Variants in TTC23L observed in about 807,000 individuals in gnomAD.
The protein encoded by TTC23L is tetratricopeptide repeat domain 23 like, also known as tetratricopeptide repeat protein 23-like.
TTC23L carries 42 observed loss-of-function variants against 48.1 expected under a neutral mutation model. That is an observed-to-expected ratio of 0.87 (90% CI 0.68 to 1.13). The LOEUF is 1.13. Ranked by LOEUF, TTC23L falls within the 50% of genes most tolerant of loss-of-function variation. The pLI, the probability that TTC23L is intolerant of heterozygous loss-of-function variation, is 0.00. For missense variants in TTC23L, 391 were observed against 421.0 expected, an observed-to-expected ratio of 0.93 and a Z score of 0.62; for synonymous variants, 159 against 157.2, an observed-to-expected ratio of 1.01 and a Z score of -0.09.
chr5:34,841,046 AAAAAT>A (rs560073504), intron 2 of TTC23L, among the ~76,000 whole-genome samples: 160 of 152,268 alleles, frequency 1.1e-3, no homozygotes, highest in African/African-American at 3.3e-3. Context: ...TGTCTCAAAA[AAAAAT>A]AAAATAAAAT....
At chr5:34,922,288 G>A in the TTC23L span, 1 of 1,525,728 alleles carries the variant, frequency 6.6e-7, no homozygotes, top group Non-Finnish European at 9.0e-7. Flanking sequence ...TCTATATGTG[G>A]TAAGAGAATG....
At chr5:34,867,191 C>T (rs1038402824) in intron 7 of TTC23L, 122 bp downstream of exon 7, 1 of 1,069,538 alleles carries the variant, frequency 9.3e-7, no homozygotes, top group Non-Finnish European at 1.4e-6. Context: ...TGTTTTAACC[C>T]TGACTTTCCT....
downstream of TTC23L, among the ~76,000 whole-genome samples, chr5:34,900,332 GTTA>G (rs749979244): frequency 7.2e-4 from 110 of 152,064 alleles, 1 homozygote; most frequent in Middle Eastern, 3.4e-3. Flanking sequence ...AAAGGCAAAG[GTTA>G]TTAAGAAAAT....
chr5:34,905,167 G>A, the TTC23L span: 1 of 152,180 alleles, frequency 6.6e-6, no homozygotes, highest in Non-Finnish European at 1.5e-5. Context: ...CTTGTAACCT[G>A]ATTCTAGTAT....
intron 10 of TTC23L, among the ~76,000 whole-genome samples, chr5:34,898,251 G>A (rs539071548): frequency 2.0e-5 from 3 of 152,286 alleles, no homozygotes; most frequent in African/African-American, 4.8e-5. Context: ...AACGGAGATA[G>A]GGGCTGAATA....
In TTC23L at chr5:34,860,098, C is replaced by T. The variant is rs538369780; in HGVS notation, c.380-2800C>T. Among the ~76,000 whole-genome samples, 320 of 152,150 alleles carry T rather than the reference C, an allele frequency of 2.1e-3. 4 individuals are homozygous for T. The highest frequency in any genetic ancestry group is 7.2e-3 in the African/African-American group (300 of 41,532). On this transcript the variant is annotated intron_variant, in intron 4 of 10. Transcript: ENST00000505624. ...TCCTGACCTCGTGATCCGCCCGCCT[C>T]GGCCTCCCAAAGTGCTGGGATTACA...
downstream of TTC23L, among the ~76,000 whole-genome samples, chr5:34,903,440 G>A (rs1051192323): frequency 3.9e-5 from 6 of 151,900 alleles, no homozygotes; most frequent in Admixed American, 1.3e-4. Context: ...CCACCAGAGC[G>A]GTACATTTGT....
chr5:34,889,779 T>C (rs1762741029), intron 9 of TTC23L, among the ~76,000 whole-genome samples: 1 of 152,188 alleles, frequency 6.6e-6, no homozygotes, highest in African/African-American at 2.4e-5. Flanking sequence ...CACTGTATTA[T>C]ACATTTAGAT....
intron 4 of TTC23L, among the ~76,000 whole-genome samples, chr5:34,858,019 G>A (rs778601549): frequency 1.3e-4 from 20 of 152,296 alleles, no homozygotes; most frequent in Admixed American, 8.5e-4. Context: ...TAGCAGAATC[G>A]ATGATAGAAT....
chr5:34,911,470 A>G, the TTC23L span: 3 of 1,492,656 alleles, frequency 2.0e-6, no homozygotes, highest in Non-Finnish European at 2.7e-6. Context: ...TGTGGATAAT[A>G]AAAATTTTGC....
At chr5:34,845,370 G>A in intron 2 of TTC23L, 117 bp from the exon 3 acceptor site, 1 of 1,081,966 alleles carries the variant, frequency 9.2e-7, no homozygotes, top group Non-Finnish European at 1.3e-6. Flanking sequence ...ATTCCTTCCG[G>A]TTTATGTTAG....
intron 2 of TTC23L, among the ~76,000 whole-genome samples, chr5:34,841,050 AT>A (rs1194122038): frequency 1.3e-5 from 2 of 151,854 alleles, no homozygotes; most frequent in African/African-American, 4.9e-5. Context: ...TCAAAAAAAA[AT>A]AAAATAAAAT....
At chr5:34,880,534 G>C (rs1762157471) in intron 9 of TTC23L, 1 of 503,738 alleles carries the variant, frequency 2.0e-6, no homozygotes, top group Non-Finnish European at 3.5e-6. Flanking sequence ...GATTTAGTTT[G>C]TACTTGGAAA....
At chr5:34,902,387 G>C (rs1173076432), downstream of TTC23L, 2 of 391,516 alleles carry the variant, frequency 5.1e-6, no homozygotes, top group Admixed American at 5.1e-5. Flanking sequence ...TTGCAGTCCA[G>C]ACTGGGTGAC....
chr5:34,914,779 T>G, the TTC23L span: 1 of 1,614,250 alleles, frequency 6.2e-7, no homozygotes. Context: ...ACGTGGCATG[T>G]TCTCGGAAAT....
the TTC23L span, chr5:34,914,155 G>A: frequency 1.6e-5 from 5 of 303,204 alleles, no homozygotes; most frequent in East Asian, 1.7e-4. Context: ...TACTTTGGAA[G>A]AACAAAAATT....
At chr5:34,920,248 G>A in the TTC23L span, 1 of 154,562 alleles carries the variant, frequency 6.5e-6, no homozygotes, top group East Asian at 1.9e-4. Context: ...AACCCACATG[G>A]TAAAAAGTGT....
At chr5:34,908,781 G>C in the TTC23L span, 1 of 1,602,322 alleles carries the variant, frequency 6.2e-7, no homozygotes, top group Non-Finnish European at 8.5e-7. Context: ...CTCAGATTCA[G>C]GAACTTCTTC....
chr5:34,867,369 A>C (rs1761145117), intron 7 of TTC23L: 1 of 383,226 alleles, frequency 2.6e-6, no homozygotes, highest in Non-Finnish European at 4.8e-6. Context: ...GTCTACTCCA[A>C]GGAAAAAAGA....
Sources: gnomAD v4.1 joint callset for allele counts (sites outside exome capture counted in the v4.1 genomes callset) on GRCh38, gnomAD v4.1.1 for gene constraint, MANE v1.5 for transcripts, NCBI Gene and HGNC (gene_info 2026-07-23, HGNC 2026-07-21) for gene names.